Variants in SCN9A observed in about 807,000 individuals in gnomAD.
SCN9A encodes sodium voltage-gated channel alpha subunit 9, also known as sodium channel protein type 9 subunit alpha.
In SCN9A, 131 loss-of-function variants were observed where a neutral mutation model predicts 187.0. The ratio of observed to expected loss-of-function variants is 0.70; its 90% CI spans 0.61 to 0.81. The LOEUF is 0.81. Ranked by LOEUF, SCN9A falls within the 30% of genes least tolerant of loss-of-function variation. SCN9A has a pLI of 0.00. For missense variants in SCN9A, 2,252 were observed against 2,396.6 expected (o/e 0.94, Z 1.26); for synonymous variants, 809 against 808.6 (o/e 1.00, Z -0.01).
intron 18 of SCN9A, among the ~76,000 whole-genome samples, chr2:166,250,840 G>T (rs1435265669): frequency 1.3e-5 from 2 of 152,074 alleles, no homozygotes; most frequent in Admixed American, 6.6e-5. Context: ...CCTCTTAAGG[G>T]CTTGGGCCCT....
intron 1 of SCN9A, among the ~76,000 whole-genome samples, chr2:166,317,416 C>G (rs1171162243): frequency 6.6e-6 from 1 of 152,020 alleles, no homozygotes; most frequent in African/African-American, 2.4e-5. Context: ...AAAGGCAGTA[C>G]TTTTGTTTTC....
chr2:166,278,656 G>A (rs1697344768), intron 14 of SCN9A, among the ~76,000 whole-genome samples: 2 of 151,934 alleles, frequency 1.3e-5, no homozygotes, highest in Non-Finnish European at 2.9e-5. Context: ...AAGTTGTTCT[G>A]GAAGAAGATA....
Position 166,203,983 on chromosome 2 carries a change from A to C in SCN9A, c.4746T>G (p.Asp1582Glu). The change falls in exon 26 of 27, where the codon GAT (aspartate) becomes GAG (glutamate). Residue 1582 changes from aspartate to glutamate, a missense_variant. By Grantham distance (45) the Asp-to-Glu change is conservative. This residue lies in a region of SCN9A where 368 missense variants were observed against 408.6 expected (regional missense o/e 0.90). Transcript: ENST00000642356. The part of the protein sequence containing the change: ...YYFTVGWNIF[D>E]FVVVIISIVG... ...CAATGGAGATAATCACAACCACAAA[A>C]TCAAAAATATTCCATCCTACAGTGA... 1 of 1,596,302 alleles carries C rather than the reference A, an allele frequency of 6.3e-7. No individual in the cohort carries two copies. The highest frequency in any genetic ancestry group is 8.6e-7 in the Non-Finnish European group (1 of 1,166,226).
chr2:166,308,660 C>A (rs906372533), intron 2 of SCN9A, among the ~76,000 whole-genome samples: 1 of 152,082 alleles, frequency 6.6e-6, no homozygotes, highest in African/African-American at 2.4e-5. Context: ...TGGTGGCTCA[C>A]GCCTGTGTTC....
At chr2:166,215,124 A>T (rs1029228527) in intron 24 of SCN9A, among the ~76,000 whole-genome samples, 2 of 152,246 alleles carry the variant, frequency 1.3e-5, no homozygotes, top group African/African-American at 4.8e-5. Context: ...ATGACATGAA[A>T]CTAGAAGTCA....
intron 1 of SCN9A, among the ~76,000 whole-genome samples, chr2:166,346,690 G>T (rs1699908883): frequency 6.6e-6 from 1 of 152,136 alleles, no homozygotes; most frequent in Non-Finnish European, 1.5e-5. Context: ...ACACCAAAAG[G>T]AATTGGAAAC....
At chr2:166,221,737 A>T (rs1453890295) in intron 24 of SCN9A, among the ~76,000 whole-genome samples, 1 of 152,146 alleles carries the variant, frequency 6.6e-6, no homozygotes, top group East Asian at 1.9e-4. Context: ...CAAAGCTACA[A>T]CAATTAAAAT....
chr2:166,253,208 A>G (rs79724968), intron 17 of SCN9A, among the ~76,000 whole-genome samples: 1 of 151,966 alleles, frequency 6.6e-6, no homozygotes, highest in African/African-American at 2.4e-5. Flanking sequence ...TGGCATGGAT[A>G]AAGTATTGTA....
chr2:166,286,468 A>G lies in SCN9A; in HGVS notation c.1470T>C (p.Ser490=). ...TCTCAGCATCTCCCTTTTCCTCTCC[A>G]CTGGAGAGCTTCTTTTGATTCTTTT... ...RKKKNQKKLS[S]GEEKGDAEKL... The change falls in exon 11 of 27, where the codon AGT becomes AGC. Residue 490 remains serine (S), a synonymous_variant. Coordinates refer to ENST00000642356, the MANE Select transcript of SCN9A (RefSeq NM_001365536.1). 1 of 1,613,704 alleles carries G rather than the reference A, an allele frequency of 6.2e-7. No individual in the cohort carries two copies.
At chr2:166,206,217 A>T (rs1206422341) in intron 24 of SCN9A, among the ~76,000 whole-genome samples, 7 of 152,224 alleles carry the variant, frequency 4.6e-5, no homozygotes, top group Non-Finnish European at 7.3e-5. Flanking sequence ...ATGCATATGT[A>T]TATTTATTGC....
Position 166,272,690 on chromosome 2 carries a change from A to G in SCN9A, c.3060T>C (p.Ile1020=), listed in dbSNP as rs747200958. 6 of 1,600,840 alleles carry G rather than the reference A, an allele frequency of 3.7e-6. No individual in the cohort carries two copies. In the South Asian group the frequency reaches 4.5e-5, roughly 12 times the overall value. ...ILKAFSKKPK[I]SREIRQAEDL... ...CTTCTGCTTGTCTTATCTCCCTGGAAATCTTTGGCTTTTTGGAAAATGCTT... is the reference window on the plus strand; with the variant it reads ...CTTCTGCTTGTCTTATCTCCCTGGAGATCTTTGGCTTTTTGGAAAATGCTT... Residue 1020 remains isoleucine (I), a synonymous_variant, in exon 17 of 27, where the codon ATT becomes ATC. Transcript: ENST00000642356.
At chr2:166,291,128 C>T (rs62178521) in intron 9 of SCN9A, among the ~76,000 whole-genome samples, 13,154 of 151,822 alleles carry the variant, frequency 0.087, 772 homozygotes, top group East Asian at 0.24. Flanking sequence ...ATAGGAAGAC[C>T]GGAAGTCAAA....
At position 166,233,424 on chromosome 2, in the gene SCN9A, G is replaced by A. The variant is rs1228231763; in HGVS notation, c.3840C>T (p.Tyr1280=). The A allele has an allele frequency of 1.3e-6, 2 of 1,577,304 alleles. No homozygotes were observed. The highest frequency in any genetic ancestry group is 1.4e-5 in the African/African-American group (1 of 72,492). ...GGGATTTAATGGGGCCAAGATCTGA[G>A]TAGCCAAGAGTGTTTGCCACTAAAG... ...LVTLVANTLG[Y]SDLGPIKSLR... The change falls in exon 21 of 27, where the codon TAC becomes TAT. Residue 1280 remains tyrosine, a synonymous_variant. Transcript: ENST00000642356.
intron 1 of SCN9A, among the ~76,000 whole-genome samples, chr2:166,360,219 C>CAAAAAAAAAAAAAAAAAAAAAAAAAA (rs1251018524): frequency 4.2e-5 from 1 of 24,042 alleles, no homozygotes; most frequent in Non-Finnish European, 7.5e-5. Flanking sequence ...AACTCTGTCT[C>CAAAAAAAAAAAAAAAAAAAAAAAAAA]AAAAAAAAAA....
Position 166,286,386 on chromosome 2 carries a change from C to A in SCN9A, c.1552G>T (p.Val518Phe), listed in dbSNP as rs201905993. 5.0e-6 allele frequency: 8 copies of A among 1,613,668 alleles called. No homozygotes were observed. The highest frequency in any genetic ancestry group is 5.9e-6 in the Non-Finnish European group (7 of 1,179,822). The stretch of plus-strand genomic sequence containing the variant: ...TCATGTGCTCGCCTATGCCCTTCGA[C>A]ACCAAGGTGGAAACTTTTTCTTCTG... ...SIRRKSFHLG[V>F]EGHRRAHEKR... The change falls in exon 11 of 27, where the codon GTC (valine) becomes TTC (phenylalanine). Residue 518 changes from valine to phenylalanine, a missense_variant. Val to Phe is a conservative substitution (Grantham distance 50). Coordinates refer to ENST00000642356, the MANE Select transcript of SCN9A (RefSeq NM_001365536.1).
intron 20 of SCN9A, among the ~76,000 whole-genome samples, chr2:166,235,593 A>C (rs1364232151): frequency 1.3e-5 from 2 of 151,934 alleles, no homozygotes; most frequent in Non-Finnish European, 2.9e-5. Context: ...ATCTCTTATG[A>C]GTTCTCACCT....
At chr2:166,203,619 A>G (rs559236791) in intron 26 of SCN9A, among the ~76,000 whole-genome samples, 2 of 152,070 alleles carry the variant, frequency 1.3e-5, no homozygotes, top group Admixed American at 6.5e-5. Flanking sequence ...TAAAACCAGA[A>G]GTTATTTCAG....
At chr2:166,282,013 A>G (rs1318418109) in intron 12 of SCN9A, among the ~76,000 whole-genome samples, 2 of 152,204 alleles carry the variant, frequency 1.3e-5, no homozygotes. Flanking sequence ...AAATGGGGAT[A>G]ATCATAGTGC....
At chr2:166,305,658 A>T (rs1419119151) in intron 5 of SCN9A, 134 bp downstream of exon 5, 3 of 1,204,808 alleles carry the variant, frequency 2.5e-6, no homozygotes, top group East Asian at 2.4e-5. Flanking sequence ...TAGCTTTCAT[A>T]TAGCTTCCAT....
Sources: allele counts gnomAD v4.1 joint callset (sites outside exome capture counted in the v4.1 genomes callset), GRCh38; gene constraint gnomAD v4.1.1; regional missense constraint gnomAD v4.1.1; transcripts MANE v1.5; gene names NCBI Gene and HGNC (gene_info 2026-07-23, HGNC 2026-07-21).